Variants in DMRT1 observed in about 807,000 individuals in gnomAD.
The protein encoded by DMRT1 is doublesex- and mab-3-related transcription factor 1.
In DMRT1, 7 loss-of-function variants were observed where a neutral mutation model predicts 32.3. That is an observed-to-expected ratio of 0.22 (90% confidence interval 0.12 to 0.41). DMRT1 has a LOEUF of 0.41. Ranked by LOEUF, DMRT1 falls within the 10% of genes least tolerant of loss-of-function variation. The pLI, the probability that DMRT1 is intolerant of heterozygous loss-of-function variation, is 1.00. For synonymous variants in DMRT1, 278 were observed against 206.1 expected (o/e 1.35, Z -2.99); for missense variants, 625 against 500.5 (o/e 1.25, Z -2.37).
intron 2 of DMRT1, among the ~76,000 whole-genome samples, chr9:871,917 A>G (rs1033887687): frequency 3.3e-5 from 5 of 151,310 alleles, no homozygotes; most frequent in African/African-American, 1.2e-4. Context: ...TCCAACAACT[A>G]CCATTTCTTG....
intron 2 of DMRT1, among the ~76,000 whole-genome samples, chr9:885,561 G>T (rs117073742): frequency 7.8e-4 from 119 of 152,270 alleles, no homozygotes; most frequent in Non-Finnish European, 1.2e-3. Flanking sequence ...GTCTGCTCTC[G>T]ACGTTGAGCT....
At chr9:924,088 T>TCC (rs1554757298) in intron 4 of DMRT1, among the ~76,000 whole-genome samples, 8,127 of 144,256 alleles carry the variant, frequency 0.056, 397 homozygotes, top group Middle Eastern at 0.13. Flanking sequence ...TTTTTTTTTT[T>TCC]CCACCTGGAG....
At chr9:949,364 C>CG (rs1554762401) in intron 4 of DMRT1, among the ~76,000 whole-genome samples, 1 of 151,036 alleles carries the variant, frequency 6.6e-6, no homozygotes, top group Non-Finnish European at 1.5e-5. Flanking sequence ...GACCCTCTCT[C>CG]GGGGAAAAAA....
intron 4 of DMRT1, among the ~76,000 whole-genome samples, chr9:930,570 A>G (rs1818686024): frequency 1.3e-5 from 2 of 152,076 alleles, no homozygotes; most frequent in Non-Finnish European, 2.9e-5. Flanking sequence ...CACCATGCCC[A>G]GCAAATCCTT....
At chr9:934,323 C>T (rs543328570) in intron 4 of DMRT1, among the ~76,000 whole-genome samples, 1 of 152,052 alleles carries the variant, frequency 6.6e-6, no homozygotes, top group African/African-American at 2.4e-5. Flanking sequence ...TTGATGAAGC[C>T]CAGTTTGTTT....
chr9:897,871 C>A (rs576315815), intron 3 of DMRT1, among the ~76,000 whole-genome samples: 1 of 152,086 alleles, frequency 6.6e-6, no homozygotes, highest in South Asian at 2.1e-4. Context: ...GAATATGGAC[C>A]AAGTATGAAT....
intron 2 of DMRT1, among the ~76,000 whole-genome samples, chr9:856,453 C>G (rs1409785491): frequency 2.0e-5 from 3 of 152,170 alleles, no homozygotes; most frequent in Non-Finnish European, 4.4e-5. Context: ...ACAGAGGTGT[C>G]TATTCTGGAA....
At chr9:936,858 GCCATTTT>G (rs1395607457) in intron 4 of DMRT1, among the ~76,000 whole-genome samples, 1 of 150,956 alleles carries the variant, frequency 6.6e-6, no homozygotes, top group Non-Finnish European at 1.5e-5. Context: ...GTCAAAATTT[GCCATTTT>G]AACATTTTTA....
intron 4 of DMRT1, among the ~76,000 whole-genome samples, chr9:920,565 A>G (rs376012246): frequency 6.6e-6 from 1 of 152,314 alleles, no homozygotes; most frequent in East Asian, 1.9e-4. Flanking sequence ...ATGGGAGAGA[A>G]GAATTGGTGC....
At chr9:889,378 G>A (rs1053089662) in intron 2 of DMRT1, among the ~76,000 whole-genome samples, 1 of 152,008 alleles carries the variant, frequency 6.6e-6, no homozygotes, top group Non-Finnish European at 1.5e-5. Context: ...AAGTTCAAAT[G>A]GTTTTATTAT....
chr9:909,421 G>A (rs745521734), intron 3 of DMRT1, among the ~76,000 whole-genome samples: 2 of 152,188 alleles, frequency 1.3e-5, no homozygotes, highest in Non-Finnish European at 2.9e-5. Flanking sequence ...CGTAGGTGAA[G>A]TCTGTAGGCT....
At chr9:911,470 A>ATTTTTTTTTTTTTTTT (rs201141931) in intron 3 of DMRT1, among the ~76,000 whole-genome samples, 1 of 66,950 alleles carries the variant, frequency 1.5e-5, no homozygotes, top group African/African-American at 3.9e-5. Flanking sequence ...GGTTAATTGC[A>ATTTTTTTTTTTTTTTT]TTTTTTTTTT....
chr9:921,340 A>G (rs1156592062), intron 4 of DMRT1, among the ~76,000 whole-genome samples: 1 of 152,230 alleles, frequency 6.6e-6, no homozygotes, highest in Non-Finnish European at 1.5e-5. Context: ...TTGTGGCTCA[A>G]TATCATTCCA....
intron 2 of DMRT1, among the ~76,000 whole-genome samples, chr9:873,309 C>G (rs1816352992): frequency 7.2e-6 from 1 of 139,790 alleles, no homozygotes; most frequent in African/African-American, 2.6e-5. Context: ...TTTCTATAAG[C>G]ATTTTTTTTT....
chr9:849,556 G>A (rs1839049634), intron 2 of DMRT1, among the ~76,000 whole-genome samples: 1 of 152,192 alleles, frequency 6.6e-6, no homozygotes, highest in Non-Finnish European at 1.5e-5. Flanking sequence ...ACTCTCACAA[G>A]GGTGTTTCAG....
chr9:858,331 AC>A (rs1227063593), intron 2 of DMRT1, among the ~76,000 whole-genome samples: 2 of 152,066 alleles, frequency 1.3e-5, no homozygotes, highest in African/African-American at 4.8e-5. Context: ...GCCATAGGGA[AC>A]TTTTGGAAGG....
intron 4 of DMRT1, among the ~76,000 whole-genome samples, chr9:935,075 T>A (rs938568074): frequency 6.6e-6 from 1 of 152,242 alleles, no homozygotes; most frequent in Admixed American, 6.5e-5. Context: ...GTGAGAATAG[T>A]AGTGCATTTA....
Position 879,396 on chromosome 9 carries a change from CAA to C in DMRT1, c.539-14515_539-14514del, listed in dbSNP as rs546162251. Among the ~76,000 whole-genome samples, 32 of 151,898 alleles carry C rather than the reference CAA, an allele frequency of 2.1e-4. No homozygotes were observed. In the East Asian group the frequency reaches 4.3e-3, roughly 20 times the overall value. On this transcript the variant is annotated intron_variant, in intron 2 of 4. Coordinates refer to ENST00000382276, the MANE Select transcript of DMRT1 (RefSeq NM_021951.3). Reference sequence around the variant, plus strand: ...CTACATTTTGCAAATTAAAAAAAAACAAGAGAGTGGCATTGTTTCACATTTTT... The same window carrying C: ...CTACATTTTGCAAATTAAAAAAAAACGAGAGTGGCATTGTTTCACATTTTT...
intron 1 of DMRT1, among the ~76,000 whole-genome samples, chr9:843,834 C>G (rs1427020348): frequency 6.6e-6 from 1 of 152,134 alleles, no homozygotes; most frequent in Non-Finnish European, 1.5e-5. Flanking sequence ...GTGTTTTATA[C>G]TAAACGTATT....
Sources: gnomAD v4.1 joint callset for allele counts (sites outside exome capture counted in the v4.1 genomes callset) on GRCh38, gnomAD v4.1.1 for gene constraint, MANE v1.5 for transcripts, NCBI Gene and HGNC (gene_info 2026-07-23, HGNC 2026-07-21) for gene names.